The following LRP1B variants were observed in gnomAD, a reference collection of about 807,000 sequenced individuals.
The protein encoded by LRP1B is LDL receptor related protein 1B, also known as low-density lipoprotein receptor-related protein 1B.
A neutral mutation model predicts 556.6 loss-of-function variants in LRP1B; 217 were observed. The ratio of observed to expected loss-of-function variants is 0.39; its 90% CI spans 0.35 to 0.44. The LOEUF is 0.44. LRP1B is among the 20% of genes least tolerant of loss of function. LRP1B has a pLI of 1.00. For synonymous variants in LRP1B, 2,047 were observed against 1,865.8 expected (o/e 1.10, Z -2.50); for missense variants, 5,053 against 5,620.8 (o/e 0.90, Z 3.23).
intron 3 of LRP1B, among the ~76,000 whole-genome samples, chr2:141,319,307 G>GTTTTTTTTTTTTTTTTTTT (rs1370500448): frequency 1.1e-5 from 1 of 88,782 alleles, no homozygotes; most frequent in African/African-American, 4.8e-5. Context: ...GTGTTTTTTT[G>GTTTTTTTTTTTTTTTTTTT]TTGTTTTTTT....
intron 7 of LRP1B, among the ~76,000 whole-genome samples, chr2:141,131,189 C>T (rs1452887720): frequency 7.1e-6 from 1 of 141,326 alleles, no homozygotes; most frequent in South Asian, 2.4e-4. Context: ...AGTGGTGTAA[C>T]CTATTTTTCC....
intron 86 of LRP1B, among the ~76,000 whole-genome samples, chr2:140,249,763 T>C (rs183101881): frequency 2.1e-3 from 314 of 151,982 alleles, no homozygotes; most frequent in African/African-American, 7.4e-3. Flanking sequence ...AAATTATAAC[T>C]TAAGGCATTT....
intron 2 of LRP1B, among the ~76,000 whole-genome samples, chr2:141,554,463 C>G (rs1482302659): frequency 6.6e-6 from 1 of 150,862 alleles, no homozygotes; most frequent in Non-Finnish European, 1.5e-5. Context: ...AAGTAAGAAA[C>G]TGTTAACAAT....
chr2:141,327,600 T>G (rs2105484033), intron 3 of LRP1B, among the ~76,000 whole-genome samples: 1 of 152,374 alleles, frequency 6.6e-6, no homozygotes, highest in East Asian at 1.9e-4. Context: ...TTTCTCCATA[T>G]ATCCCTTTGC....
At chr2:140,498,019 T>C (rs941256230) in intron 55 of LRP1B, among the ~76,000 whole-genome samples, 15 of 151,846 alleles carry the variant, frequency 9.9e-5, no homozygotes, top group African/African-American at 2.9e-4. Flanking sequence ...TCTCAAATAA[T>C]AAAAAGACAT....
chr2:141,281,124 C>T (rs1349930814), intron 3 of LRP1B, among the ~76,000 whole-genome samples: 1 of 151,962 alleles, frequency 6.6e-6, no homozygotes. Context: ...GAGCTTTTTA[C>T]TTTAATTTAC....
chr2:142,106,179 G>T (rs1441474368), intron 1 of LRP1B, among the ~76,000 whole-genome samples: 1 of 152,106 alleles, frequency 6.6e-6, no homozygotes, highest in Non-Finnish European at 1.5e-5. Context: ...TAATGAATTT[G>T]TCCTTCAGTT....
chr2:141,068,228 C>T (rs551566760), intron 7 of LRP1B, among the ~76,000 whole-genome samples: 1 of 152,008 alleles, frequency 6.6e-6, no homozygotes, highest in South Asian at 2.1e-4. Flanking sequence ...TAGTCTCACA[C>T]CAAGGGAATA....
chr2:141,985,103 T>G (rs1702148187), intron 1 of LRP1B, among the ~76,000 whole-genome samples: 1 of 152,100 alleles, frequency 6.6e-6, no homozygotes, highest in Admixed American at 6.5e-5. Flanking sequence ...AGGCCCAGAA[T>G]ACAATTCAAG....
rs1373488380 is a variant in LRP1B at position 141,283,050 on chromosome 2, C to T, written c.344-28409G>A. Among the ~76,000 whole-genome samples, 6 of 152,080 alleles carry T rather than the reference C, an allele frequency of 3.9e-5. No homozygotes were observed. The East Asian group carries it at 1.2e-3, about 29-fold the overall frequency. On this transcript the variant is annotated intron_variant, in intron 3 of 90. Coordinates refer to ENST00000389484, the MANE Select transcript of LRP1B (RefSeq NM_018557.3). The stretch of plus-strand genomic sequence containing the variant: ...TCTAGTCCAGATGCCTAGCATGGTG[C>T]CTTGCTTCCTTAACCACCTACTGTT...
chr2:141,243,144 T>A lies in LRP1B; in HGVS notation c.592+4082A>T, dbSNP rs139489746. On this transcript the variant is annotated intron_variant, in intron 5 of 90. Transcript: ENST00000389484. ...TTTTATTTTTATTTATTATTATTTTTATTTTTTTTTTCATATGACAAGTTC... is the reference window on the plus strand; with the variant it reads ...TTTTATTTTTATTTATTATTATTTTAATTTTTTTTTTCATATGACAAGTTC... Among the ~76,000 whole-genome samples the A allele has an allele frequency of 5.9e-4, 58 of 97,540 alleles. No homozygotes were observed. In the East Asian group the frequency reaches 0.02, roughly 33 times the overall value. 64.0% of individuals were successfully genotyped at this position (97,540 alleles called of 152,430 possible). A position where few individuals can be genotyped will look rare whatever the true frequency, so the allele number is the denominator to read the frequency against.
At chr2:141,363,099 T>G (rs1688893293) in intron 3 of LRP1B, among the ~76,000 whole-genome samples, 1 of 152,092 alleles carries the variant, frequency 6.6e-6, no homozygotes, top group Admixed American at 6.5e-5. Flanking sequence ...CATCTCAGAG[T>G]CATAACCCAA....
At chr2:140,619,168 G>A (rs1683364252) in intron 41 of LRP1B, among the ~76,000 whole-genome samples, 1 of 151,456 alleles carries the variant, frequency 6.6e-6, no homozygotes, top group South Asian at 2.1e-4. Context: ...CAGGGGACCA[G>A]GTGCTATTTT....
chr2:141,128,903 T>A (rs557530153), intron 7 of LRP1B, among the ~76,000 whole-genome samples: 1 of 152,174 alleles, frequency 6.6e-6, no homozygotes, highest in African/African-American at 2.4e-5. Context: ...AGTTATATCA[T>A]CCTACTAATT....
chr2:140,931,489 A>G (rs1227878316), intron 20 of LRP1B, among the ~76,000 whole-genome samples: 1 of 152,164 alleles, frequency 6.6e-6, no homozygotes, highest in Non-Finnish European at 1.5e-5. Context: ...GTGAAAAAAA[A>G]AATACAAGAT....
At chr2:142,109,595 A>G (rs1288147017) in intron 1 of LRP1B, among the ~76,000 whole-genome samples, 1 of 152,168 alleles carries the variant, frequency 6.6e-6, no homozygotes, top group African/African-American at 2.4e-5. Context: ...TCCAATTATT[A>G]AAAATAATTT....
At chr2:140,671,724 A>T (rs1225444321) in intron 41 of LRP1B, among the ~76,000 whole-genome samples, 1 of 152,108 alleles carries the variant, frequency 6.6e-6, no homozygotes, top group Non-Finnish European at 1.5e-5. Flanking sequence ...CATTCAAATC[A>T]TCTAGGATAT....
chr2:141,043,965 C>G (rs1967615), intron 11 of LRP1B, among the ~76,000 whole-genome samples: 6 of 151,796 alleles, frequency 4.0e-5, no homozygotes, highest in Non-Finnish European at 1.5e-5. Context: ...TCACCAAGTC[C>G]ATCCTAAGCC....
At chr2:140,313,209 G>T (rs913754172) in intron 83 of LRP1B, among the ~76,000 whole-genome samples, 1 of 151,830 alleles carries the variant, frequency 6.6e-6, no homozygotes, top group Non-Finnish European at 1.5e-5. Context: ...CTGCATGTCT[G>T]TATCTCATAT....
Sources: gnomAD v4.1 joint callset for allele counts (sites outside exome capture counted in the v4.1 genomes callset) on GRCh38, gnomAD v4.1.1 for gene constraint, MANE v1.5 for transcripts, NCBI Gene and HGNC (gene_info 2026-07-23, HGNC 2026-07-21) for gene names.